NEMP2: variants seen among roughly 807,000 people sequenced by gnomAD.
The protein encoded by NEMP2 is nuclear envelope integral membrane protein 2.
In NEMP2, 53 loss-of-function variants were observed where a neutral mutation model predicts 54.2. The observed-to-expected ratio is 0.98, with a 90% CI of 0.78 to 1.23. NEMP2 has a LOEUF of 1.23. Ranked by LOEUF, NEMP2 falls within the 50% of genes most tolerant of loss-of-function variation. The probability of loss-of-function intolerance (pLI) is 0.00; values close to 1 mark genes in which losing one functional copy is unlikely to be tolerated. For missense variants in NEMP2, 455 were observed against 511.3 expected (o/e 0.89, Z 1.06); for synonymous variants, 197 against 190.3 (o/e 1.04, Z -0.29).
rs1559152693 is a variant in NEMP2, at chr2:190,507,396, G to T, written c.*1793C>A. 1 of 152,120 alleles carries T rather than the reference G, an allele frequency of 6.6e-6. No individual in the cohort carries two copies. Among genetic ancestry groups the T allele is most frequent in the Non-Finnish European group, 1.5e-5 (1 of 68,030 alleles). 9.4% of individuals were successfully genotyped at this position (152,120 alleles called of 1,614,324 possible). A position where few individuals can be genotyped will look rare whatever the true frequency, so the allele number is the denominator to read the frequency against. On this transcript the variant is annotated 3_prime_UTR_variant, in exon 9 of 9. Transcript: ENST00000409150. The surrounding 1 kb of genome is among the most constrained non-coding windows in gnomAD (Gnocchi z 4.4). ...CTGGCAGCCCCAGCAGATTGTTCATGTGTTATTTACTCATACGCATACGTT... is the reference window on the plus strand; with the variant it reads ...CTGGCAGCCCCAGCAGATTGTTCATTTGTTATTTACTCATACGCATACGTT...
chr2:190,592,948 T>G, the NEMP2 span, among the ~76,000 whole-genome samples: 3 of 152,248 alleles, frequency 2.0e-5, no homozygotes, highest in African/African-American at 4.8e-5. The surrounding 1 kb of genome is among the most constrained non-coding windows in gnomAD (Gnocchi z 4.4). Context: ...TAGTTTCTTT[T>G]TCACAAACTT....
chr2:190,459,641 C>G, the NEMP2 span, among the ~76,000 whole-genome samples: 1 of 152,028 alleles, frequency 6.6e-6, no homozygotes, highest in African/African-American at 2.4e-5. The surrounding 1 kb of genome is among the most constrained non-coding windows in gnomAD (Gnocchi z 5.3). Flanking sequence ...AAGAAAAAAA[C>G]AGATAAACTA....
Position 190,517,584 on chromosome 2 carries a change from G to A in NEMP2, c.548C>T (p.Thr183Ile). The change falls in exon 5 of 9, where the codon ACT (threonine) becomes ATT (isoleucine). Residue 183 changes from threonine to isoleucine, a missense_variant. Around this residue, in one of 3 missense-constraint regions of NEMP2, gnomAD observed 294 missense variants for 333.6 expected, o/e 0.88. Coordinates refer to ENST00000409150, the MANE Select transcript of NEMP2 (RefSeq NM_001142645.2). ...TAATGTCATTAGAACACCTAGCACAGTTCCCGAGGAGTAATAGAAAGTAGG... is the reference window on the plus strand; with the variant it reads ...TAATGTCATTAGAACACCTAGCACAATTCCCGAGGAGTAATAGAAAGTAGG... ...QSPTFYYSSGTVLGVLMTLVF... is the reference protein window; with the variant it reads ...QSPTFYYSSGIVLGVLMTLVF... 1 of 1,549,624 alleles carries A rather than the reference G, an allele frequency of 6.5e-7. No individual in the cohort carries two copies. The highest frequency in any genetic ancestry group is 8.7e-7 in the Non-Finnish European group (1 of 1,146,192).
At chr2:190,581,693 A>T in the NEMP2 span, among the ~76,000 whole-genome samples, 4 of 152,218 alleles carry the variant, frequency 2.6e-5, no homozygotes, top group Non-Finnish European at 5.9e-5. Context: ...CCAAAAAATG[A>T]TATGTTGAGA....
chr2:190,647,710 C>CTTTTTTTTTTTTTTT, the NEMP2 span, among the ~76,000 whole-genome samples: 5 of 102,368 alleles, frequency 4.9e-5, no homozygotes, highest in Non-Finnish European at 7.4e-5. Context: ...TCTTCTTCTT[C>CTTTTTTTTTTTTTTT]TTTTTTTTTT....
chr2:190,607,566 A>G, the NEMP2 span: 5 of 152,222 alleles, frequency 3.3e-5, no homozygotes, highest in African/African-American at 1.2e-4. The surrounding 1 kb of genome is among the most constrained non-coding windows in gnomAD (Gnocchi z 5.2). Context: ...CTGCCAAGTA[A>G]CTCAGAGTAA....
At chr2:190,484,725 C>T in the NEMP2 span, among the ~76,000 whole-genome samples, 10 of 152,066 alleles carry the variant, frequency 6.6e-5, no homozygotes, top group African/African-American at 2.4e-4. Context: ...TAATTTAATC[C>T]CTTCTTACGG....
chr2:190,430,178 A>G, the NEMP2 span, among the ~76,000 whole-genome samples: 1 of 148,418 alleles, frequency 6.7e-6, no homozygotes, highest in Non-Finnish European at 1.5e-5. Flanking sequence ...ACATGAACGC[A>G]TCCTTTTTAT....
At chr2:190,571,894 G>C in the NEMP2 span, among the ~76,000 whole-genome samples, 29,342 of 151,900 alleles carry the variant, frequency 0.19, 3,594 homozygotes, top group Admixed American at 0.39. Context: ...TGTTGCCCCA[G>C]GGCTGCATAG....
chr2:190,586,349 A>C, the NEMP2 span, among the ~76,000 whole-genome samples: 6 of 151,950 alleles, frequency 3.9e-5, no homozygotes, highest in South Asian at 1.3e-3. The surrounding 1 kb of genome is among the most constrained non-coding windows in gnomAD (Gnocchi z 4.5). Flanking sequence ...TTTTTTGTTT[A>C]TATATAAACA....
the NEMP2 span, among the ~76,000 whole-genome samples, chr2:190,582,150 A>G: frequency 1.3e-5 from 2 of 152,180 alleles, no homozygotes; most frequent in Non-Finnish European, 1.5e-5. The surrounding 1 kb of genome is among the most constrained non-coding windows in gnomAD (Gnocchi z 4.6). Context: ...TTATGCTGCA[A>G]TGAGAGTCAA....
chr2:190,573,932 G>T, the NEMP2 span, among the ~76,000 whole-genome samples: 1 of 152,220 alleles, frequency 6.6e-6, no homozygotes, highest in Admixed American at 6.5e-5. Context: ...GAATAAATTT[G>T]AAATATTATA....
At chr2:190,546,228 A>T in the NEMP2 span, among the ~76,000 whole-genome samples, 42,970 of 149,588 alleles carry the variant, frequency 0.29, 6,842 homozygotes, top group East Asian at 0.47. The surrounding 1 kb of genome is among the most constrained non-coding windows in gnomAD (Gnocchi z 5.1). Context: ...TTTTTTTTTT[A>T]AAAAAGAAAA....
rs1182317085 is a variant in NEMP2 at position 190,512,973 on chromosome 2, C to G, written c.953+1480G>C. 6.6e-6 allele frequency among the ~76,000 whole-genome samples: 1 copy of G among 152,168 alleles called. No individual in the cohort carries two copies. Among genetic ancestry groups the G allele is most frequent in the African/African-American group, 2.4e-5 (1 of 41,440 alleles). On this transcript the variant is annotated intron_variant, in intron 7 of 8. Coordinates refer to ENST00000409150, the MANE Select transcript of NEMP2 (RefSeq NM_001142645.2). This position sits in a 1 kb window ranked among gnomAD's most constrained non-coding sequence, Gnocchi z 4.5. ...TCACCATAGTGTCCTTCCTCACAGC[C>G]AATTTTACCTCTTGAACATTTATTC...
chr2:190,516,525 T>G lies in NEMP2; in HGVS notation c.613-141A>C. 4.8e-6 allele frequency: 3 copies of G among 623,086 alleles called. No homozygotes were observed. In the South Asian group the frequency reaches 6.6e-5, roughly 14 times the overall value. 38.6% of individuals were successfully genotyped at this position (623,086 alleles called of 1,614,324 possible). On this transcript the variant is annotated intron_variant, in intron 5 of 8. Coordinates refer to ENST00000409150, the MANE Select transcript of NEMP2 (RefSeq NM_001142645.2). ...CAATTTAAGAAACTCCCTAGGGTCT[T>G]AAGGTGTGGTCCACAAATCAGCAAC...
At chr2:190,575,318 C>T in the NEMP2 span, among the ~76,000 whole-genome samples, 1 of 134,682 alleles carries the variant, frequency 7.4e-6, no homozygotes, top group South Asian at 2.5e-4. Context: ...ATATAATAGA[C>T]TATTTTTTTC....
chr2:190,532,842 G>A (rs185224353), intron 1 of NEMP2, among the ~76,000 whole-genome samples: 3 of 152,300 alleles, frequency 2.0e-5, no homozygotes, highest in Non-Finnish European at 4.4e-5. Flanking sequence ...CCAGATGCTG[G>A]GCGCTTCACA....
the NEMP2 span, among the ~76,000 whole-genome samples, chr2:190,560,780 G>C: frequency 6.6e-6 from 1 of 152,216 alleles, no homozygotes; most frequent in Non-Finnish European, 1.5e-5. This position sits in a 1 kb window ranked among gnomAD's most constrained non-coding sequence, Gnocchi z 5.4. Flanking sequence ...TCCTCAAGGT[G>C]TGTAGGAAGA....
At chr2:190,610,772 G>C in the NEMP2 span, 1 of 152,182 alleles carries the variant, frequency 6.6e-6, no homozygotes, top group South Asian at 2.1e-4. This position sits in a 1 kb window ranked among gnomAD's most constrained non-coding sequence, Gnocchi z 5.4. Flanking sequence ...TTACTTAATT[G>C]TTAAAAGCTG....
Sources: allele counts gnomAD v4.1 joint callset (sites outside exome capture counted in the v4.1 genomes callset), GRCh38; gene constraint gnomAD v4.1.1; regional missense constraint gnomAD v4.1.1; non-coding constraint Gnocchi (gnomAD v3.1); transcripts MANE v1.5; gene names NCBI Gene and HGNC (gene_info 2026-07-23, HGNC 2026-07-21).